CATSPERE: variants seen among roughly 807,000 people sequenced by gnomAD.
CATSPERE encodes cation channel sperm-associated auxiliary subunit epsilon.
CATSPERE carries 93 observed loss-of-function variants against 114.1 expected under a neutral mutation model. The ratio of observed to expected loss-of-function variants is 0.81; its 90% confidence interval spans 0.69 to 0.97. The LOEUF is 0.97. Among genes scored for constraint, CATSPERE ranks in the 50% least tolerant of loss-of-function variants. The pLI is 0.00. For synonymous variants in CATSPERE, 341 were observed against 384.1 expected, an observed-to-expected ratio of 0.89 and a Z score of 1.31; for missense variants, 1,058 against 1,131.6, an observed-to-expected ratio of 0.93 and a Z score of 0.93.
intron 2 of CATSPERE, among the ~76,000 whole-genome samples, chr1:244,467,210 A>G (rs757057140): frequency 2.2e-4 from 33 of 152,322 alleles, no homozygotes; most frequent in Non-Finnish European, 3.7e-4. Context: ...AAATATTTAT[A>G]ATTTGAACCA....
At chr1:244,519,952 G>A (rs1677248539) in intron 8 of CATSPERE, among the ~76,000 whole-genome samples, 1 of 152,074 alleles carries the variant, frequency 6.6e-6, no homozygotes, top group Non-Finnish European at 1.5e-5. Context: ...CCTCACTCAC[G>A]GATTCACCAA....
rs1573120294 is a variant in CATSPERE at position 244,633,896 on chromosome 1, A to C, written c.2649-1593A>C. 7.2e-6 allele frequency among the ~76,000 whole-genome samples: 1 copy of C among 139,568 alleles called. No individual in the cohort carries two copies. 91.6% of individuals were successfully genotyped at this position (139,568 alleles called of 152,430 possible). On this transcript the variant is annotated intron_variant, in intron 20 of 21. Transcript: ENST00000366534. The surrounding 1 kb of genome is among the most constrained non-coding windows in gnomAD (Gnocchi z 4.1). ...TTTTTTTTTTTTGAGACGGAGCCTCACTCTGTTGCCCAGGCTGGAGTGCAG... is the reference window on the plus strand; with the variant it reads ...TTTTTTTTTTTTGAGACGGAGCCTCCCTCTGTTGCCCAGGCTGGAGTGCAG...
Position 244,552,823 on chromosome 1 carries a change from A to G in CATSPERE, c.1029+9A>G, listed in dbSNP as rs1017608075. 3.1e-6 allele frequency: 4 copies of G among 1,299,738 alleles called. No homozygotes were observed. Among genetic ancestry groups the G allele is most frequent in the Non-Finnish European group, 4.1e-6 (4 of 983,810 alleles). The allele number at this position is 1,299,738 out of a possible 1,614,324, so 80.5% of individuals were successfully genotyped here. On this transcript the variant is annotated intron_variant, in intron 9 of 21. Coordinates refer to ENST00000366534, the MANE Select transcript of CATSPERE (RefSeq NM_001130957.2). ...TCAATTATTTATTAAAGGTTAGTAA[A>G]AGATATTTTATATTTTATAAATATA... is the stretch of plus-strand genomic sequence containing the variant.
intron 7 of CATSPERE, among the ~76,000 whole-genome samples, chr1:244,506,495 A>G (rs1046982557): frequency 9.2e-5 from 14 of 152,206 alleles, no homozygotes; most frequent in African/African-American, 3.1e-4. Context: ...CACCTCCACC[A>G]TCTTACATTC....
intron 8 of CATSPERE, among the ~76,000 whole-genome samples, chr1:244,550,736 A>G (rs1660475675): frequency 6.6e-6 from 1 of 152,162 alleles, no homozygotes; most frequent in Non-Finnish European, 1.5e-5. Flanking sequence ...AACTGCCCTA[A>G]CTTGAGGTCC....
intron 7 of CATSPERE, among the ~76,000 whole-genome samples, chr1:244,513,451 T>C (rs1480096198): frequency 6.6e-6 from 1 of 152,010 alleles, no homozygotes; most frequent in Non-Finnish European, 1.5e-5. Context: ...TGAGTGTCAG[T>C]AGGAGCAGGT....
At chr1:244,527,868 A>C (rs1225775185) in intron 8 of CATSPERE, among the ~76,000 whole-genome samples, 2 of 152,106 alleles carry the variant, frequency 1.3e-5, no homozygotes, top group African/African-American at 4.8e-5. Flanking sequence ...CTCCCATCTC[A>C]GCCTCCCAAG....
At chr1:244,534,004 T>C (rs907679225) in intron 8 of CATSPERE, among the ~76,000 whole-genome samples, 1 of 152,140 alleles carries the variant, frequency 6.6e-6, no homozygotes, top group Non-Finnish European at 1.5e-5. Flanking sequence ...TTCTCCTTCA[T>C]GTTTGAAGGA....
chr1:244,606,623 T>C (rs1670040867), intron 18 of CATSPERE, among the ~76,000 whole-genome samples: 1 of 149,988 alleles, frequency 6.7e-6, no homozygotes, highest in Admixed American at 6.6e-5. Flanking sequence ...TTTTTTTTTT[T>C]AAGAGTCTCG....
rs559359478 is a variant in CATSPERE at position 244,615,933 on chromosome 1, G to C, written c.2491-1596G>C. Among the ~76,000 whole-genome samples, 3 of 137,352 alleles carry C rather than the reference G, an allele frequency of 2.2e-5. No homozygotes were observed. The South Asian group carries it at 7.2e-4, about 33-fold the overall frequency. 90.1% of individuals were successfully genotyped at this position (137,352 alleles called of 152,430 possible). On this transcript the variant is annotated intron_variant, in intron 19 of 21. Transcript: ENST00000366534. ...GTTCGACAGAAATCTGGGCGATATA[G>C]TGAGACCCCCATCTCCTAAAAAAAA...
chr1:244,538,449 C>G (rs1464696656), intron 8 of CATSPERE, among the ~76,000 whole-genome samples: 1 of 152,114 alleles, frequency 6.6e-6, no homozygotes, highest in East Asian at 1.9e-4. Context: ...AATTCTAATG[C>G]ATCAGCAAGA....
intron 20 of CATSPERE, among the ~76,000 whole-genome samples, chr1:244,629,666 G>A (rs1189988169): frequency 6.7e-6 from 1 of 149,478 alleles, no homozygotes; most frequent in Non-Finnish European, 1.5e-5. Context: ...TTGAGACAGA[G>A]TCTTGGTCTG....
At chr1:244,484,278 GC>G (rs879420130) in intron 5 of CATSPERE, among the ~76,000 whole-genome samples, 2 of 152,072 alleles carry the variant, frequency 1.3e-5, no homozygotes, top group African/African-American at 4.8e-5. Context: ...TACATTCAAT[GC>G]AATCCCAATC....
Position 244,635,557 on chromosome 1 carries a change from C to T in CATSPERE, c.2702+15C>T, listed in dbSNP as rs765810912. 10 of 1,596,322 alleles carry T rather than the reference C, an allele frequency of 6.3e-6. No individual in the cohort carries two copies. In the Middle Eastern group the frequency reaches 5.0e-4, roughly 79 times the overall value. ...CTGATTCCCAGGTAAGGAGCAGGGCCTAACTGGACTTTAATTAGGGAATTT... is the reference window on the plus strand; with the variant it reads ...CTGATTCCCAGGTAAGGAGCAGGGCTTAACTGGACTTTAATTAGGGAATTT... On this transcript the variant is annotated intron_variant, in intron 21 of 21. Coordinates refer to ENST00000366534, the MANE Select transcript of CATSPERE (RefSeq NM_001130957.2).
chr1:244,526,413 A>T (rs1678603860), intron 8 of CATSPERE, among the ~76,000 whole-genome samples: 1 of 142,946 alleles, frequency 7.0e-6, no homozygotes, highest in African/African-American at 2.7e-5. Flanking sequence ...TATCAAAAAG[A>T]AAAAAAAAAA....
intron 2 of CATSPERE, among the ~76,000 whole-genome samples, chr1:244,472,654 A>G (rs1483147762): frequency 6.6e-6 from 1 of 152,190 alleles, no homozygotes; most frequent in Non-Finnish European, 1.5e-5. Context: ...TGTAATTTAC[A>G]TTAGTGTTCA....
chr1:244,523,143 C>G (rs1677887429), intron 8 of CATSPERE, among the ~76,000 whole-genome samples: 4 of 147,930 alleles, frequency 2.7e-5, no homozygotes, highest in Admixed American at 2.6e-4. Flanking sequence ...CCACCATGAT[C>G]GAGTGGGCTT....
At chr1:244,617,775 T>C in intron 20 of CATSPERE, 89 bp downstream of exon 20, 1 of 1,067,350 alleles carries the variant, frequency 9.4e-7, no homozygotes, top group Non-Finnish European at 1.3e-6. Flanking sequence ...CATTCAATCA[T>C]TGTTATTCTT....
chr1:244,550,246 A>C (rs914142513), intron 8 of CATSPERE, among the ~76,000 whole-genome samples: 9 of 152,124 alleles, frequency 5.9e-5, no homozygotes, highest in African/African-American at 2.2e-4. Context: ...AAAGGCAACC[A>C]CTCATAATAA....
Sources: allele counts gnomAD v4.1 joint callset (sites outside exome capture counted in the v4.1 genomes callset), GRCh38; gene constraint gnomAD v4.1.1; non-coding constraint Gnocchi (gnomAD v3.1); transcripts MANE v1.5; gene names NCBI Gene and HGNC (gene_info 2026-07-23, HGNC 2026-07-21).